The following ZCWPW2 variants were observed in gnomAD, a reference collection of about 807,000 sequenced individuals.
ZCWPW2 encodes the protein zinc finger CW-type PWWP domain protein 2.
Under a neutral mutation model 46.6 loss-of-function variants are expected in ZCWPW2, and 45 were observed. The ratio of observed to expected loss-of-function variants is 0.96; its 90% CI spans 0.76 to 1.24. The LOEUF (loss-of-function observed/expected upper bound fraction) is 1.24, where lower values mean the gene tolerates loss of function less well. ZCWPW2 is among the 50% of genes most tolerant of loss of function. The pLI, the probability that ZCWPW2 is intolerant of heterozygous loss-of-function variation, is 0.00. For missense variants in ZCWPW2, 429 were observed against 403.9 expected, an observed-to-expected ratio of 1.06 and a Z score of -0.53; for synonymous variants, 152 against 137.1, an observed-to-expected ratio of 1.11 and a Z score of -0.76.
intron 1 of ZCWPW2, among the ~76,000 whole-genome samples, chr3:28,372,302 AT>A (rs1166469122): frequency 2.6e-5 from 4 of 151,898 alleles, no homozygotes; most frequent in Non-Finnish European, 4.4e-5. Flanking sequence ...AGTCTATAGT[AT>A]TTTTTTTGTG....
chr3:28,478,911 GCTGC>G lies in ZCWPW2; in HGVS notation c.593_596del (p.Cys198TyrfsTer45). The G allele has an allele frequency of 6.3e-7, 1 of 1,582,844 alleles. No homozygotes were observed. Among genetic ancestry groups the G allele is most frequent in the Non-Finnish European group, 8.6e-7 (1 of 1,168,686 alleles). ...TCTCATGAGCAAAGACTGGAAATGT[GCTGC>G]CTATCAAAACTACAAGGTGTATAAA... On this transcript the variant is annotated frameshift_variant, in exon 5 of 10. Transcript: ENST00000383768. LOFTEE classifies it high-confidence loss of function.
intron 1 of ZCWPW2, among the ~76,000 whole-genome samples, chr3:28,359,779 G>A (rs1168004698): frequency 1.3e-5 from 2 of 152,114 alleles, no homozygotes; most frequent in African/African-American, 4.8e-5. Flanking sequence ...CCTTATGTAA[G>A]AGGTAATTAA....
rs183966365 is a variant in ZCWPW2 at position 28,525,900 on chromosome 3, A to G, written c.*1212A>G. 3.3e-5 allele frequency among the ~76,000 whole-genome samples: 5 copies of G among 152,222 alleles called. No homozygotes were observed. The East Asian group carries it at 7.7e-4, about 24-fold the overall frequency. ...CATAGGATGTTGAGTTGTAAAGCCT[A>G]TCTGGGTTCATATTTTACATACTAG... On this transcript the variant is annotated 3_prime_UTR_variant, in exon 10 of 10. Coordinates refer to ENST00000383768, the MANE Select transcript of ZCWPW2 (RefSeq NM_001040432.4).
At chr3:28,400,961 C>T (rs1282315367) in intron 2 of ZCWPW2, among the ~76,000 whole-genome samples, 6 of 152,050 alleles carry the variant, frequency 3.9e-5, no homozygotes, top group African/African-American at 7.2e-5. Context: ...AGGTGGATCA[C>T]GAGGTCAGGA....
intron 4 of ZCWPW2, among the ~76,000 whole-genome samples, chr3:28,438,264 C>T (rs1227525778): frequency 6.6e-6 from 1 of 152,200 alleles, no homozygotes; most frequent in Non-Finnish European, 1.5e-5. Context: ...AGCCCTTCCC[C>T]CTTCAGCTGA....
intron 6 of ZCWPW2, among the ~76,000 whole-genome samples, chr3:28,492,518 A>G: frequency 6.6e-6 from 1 of 152,214 alleles, no homozygotes; most frequent in East Asian, 1.9e-4. Context: ...AATCTCATAG[A>G]AAATTTAAGT....
chr3:28,355,591 T>A (rs1394192166), intron 1 of ZCWPW2, among the ~76,000 whole-genome samples: 4 of 152,340 alleles, frequency 2.6e-5, no homozygotes, highest in Non-Finnish European at 5.9e-5. Context: ...ACTACCTGAC[T>A]TCAAACTATA....
chr3:28,381,646 G>A (rs903592675), intron 1 of ZCWPW2, among the ~76,000 whole-genome samples: 3 of 152,078 alleles, frequency 2.0e-5, no homozygotes, highest in Non-Finnish European at 4.4e-5. Context: ...AATTAGATGA[G>A]CATGGTGGCA....
chr3:28,470,961 G>A (rs1341457143), intron 4 of ZCWPW2, among the ~76,000 whole-genome samples: 1 of 152,108 alleles, frequency 6.6e-6, no homozygotes, highest in African/African-American at 2.4e-5. Flanking sequence ...AGGCTCATTA[G>A]TGGCTACCAT....
intron 4 of ZCWPW2, among the ~76,000 whole-genome samples, chr3:28,476,829 C>G (rs1019762925): frequency 1.3e-5 from 2 of 152,120 alleles, no homozygotes; most frequent in African/African-American, 4.8e-5. Flanking sequence ...GCATTAGATT[C>G]TTATAAGGAG....
rs1700830828 is a variant in ZCWPW2 at position 28,525,698 on chromosome 3, T to C, written c.*1010T>C. On this transcript the variant is annotated 3_prime_UTR_variant, in exon 10 of 10. Coordinates refer to ENST00000383768, the MANE Select transcript of ZCWPW2 (RefSeq NM_001040432.4). ...AATAAGACACCAAACAACCAACGTG[T>C]CACTCATTGAGTGGGTTGCTTCTTT... 6.6e-6 allele frequency among the ~76,000 whole-genome samples: 1 copy of C among 152,214 alleles called. No individual in the cohort carries two copies. The highest frequency in any genetic ancestry group is 1.5e-5 in the Non-Finnish European group (1 of 68,026).
At chr3:28,432,712 A>G (rs1301973402) in intron 3 of ZCWPW2, among the ~76,000 whole-genome samples, 1 of 152,212 alleles carries the variant, frequency 6.6e-6, no homozygotes, top group Non-Finnish European at 1.5e-5. Flanking sequence ...AGTTTTTAAA[A>G]TAAAAAGTCA....
At chr3:28,386,030 C>G (rs1695260200) in intron 1 of ZCWPW2, among the ~76,000 whole-genome samples, 1 of 148,910 alleles carries the variant, frequency 6.7e-6, no homozygotes, top group African/African-American at 2.5e-5. Flanking sequence ...TTTGTTTTCT[C>G]TTTTTGAAGA....
At chr3:28,435,639 C>T (rs1285372777) in intron 4 of ZCWPW2, among the ~76,000 whole-genome samples, 1 of 151,932 alleles carries the variant, frequency 6.6e-6, no homozygotes, top group Non-Finnish European at 1.5e-5. Flanking sequence ...GTGCCCGCCA[C>T]CATGCACGGC....
At position 28,376,949 on chromosome 3, in the gene ZCWPW2, G is replaced by T. The variant is rs1301091824; in HGVS notation, c.-133-13549G>T. 2.6e-5 allele frequency among the ~76,000 whole-genome samples: 4 copies of T among 152,034 alleles called. No individual in the cohort carries two copies. The South Asian group carries it at 8.3e-4, about 32-fold the overall frequency. ...TTGTGAACATACTGTTTAAGCATAGGCATGATTTTAGTTTTGAGGTTGAAA... is the reference window on the plus strand; with the variant it reads ...TTGTGAACATACTGTTTAAGCATAGTCATGATTTTAGTTTTGAGGTTGAAA... On this transcript the variant is annotated intron_variant, in intron 1 of 9. Coordinates refer to ENST00000383768, the MANE Select transcript of ZCWPW2 (RefSeq NM_001040432.4).
rs560938980 is a variant in ZCWPW2, at chr3:28,435,548, C to T, written c.492+279C>T. ...TCACCCAGGCTGGAGTGCAATGGCG[C>T]GATCTCGGCTCACTGCAAGCTCCGC... On this transcript the variant is annotated intron_variant, in intron 4 of 9. Coordinates refer to ENST00000383768, the MANE Select transcript of ZCWPW2 (RefSeq NM_001040432.4). 1.7e-3 allele frequency among the ~76,000 whole-genome samples: 245 copies of T among 147,560 alleles called. 1 individual carries two copies. Among genetic ancestry groups the T allele is most frequent in the African/African-American group, 5.0e-3 (201 of 39,914 alleles).
At chr3:28,375,016 G>T (rs550522691) in intron 1 of ZCWPW2, among the ~76,000 whole-genome samples, 59 of 151,990 alleles carry the variant, frequency 3.9e-4, no homozygotes, top group African/African-American at 1.4e-3. Flanking sequence ...AGTGGTAGGT[G>T]CATAGACATT....
intron 5 of ZCWPW2, among the ~76,000 whole-genome samples, chr3:28,484,036 A>G (rs1349128523): frequency 1.3e-5 from 2 of 152,116 alleles, no homozygotes; most frequent in African/African-American, 2.4e-5. Flanking sequence ...GGTGAGGGAG[A>G]AAACCCTTGA....
At chr3:28,449,850 T>G (rs1396895946) in intron 4 of ZCWPW2, among the ~76,000 whole-genome samples, 1 of 152,194 alleles carries the variant, frequency 6.6e-6, no homozygotes, top group African/African-American at 2.4e-5. Context: ...CTTTTATATT[T>G]AGTAGGTACA....
Sources: gnomAD v4.1 joint callset for allele counts (sites outside exome capture counted in the v4.1 genomes callset) on GRCh38, gnomAD v4.1.1 for gene constraint, MANE v1.5 for transcripts, NCBI Gene and HGNC (gene_info 2026-07-23, HGNC 2026-07-21) for gene names.